The following FOXP2 variants were observed in gnomAD, a reference collection of about 807,000 sequenced individuals.
FOXP2 encodes the protein forkhead box P2.
A neutral mutation model predicts 115.8 loss-of-function variants in FOXP2; 12 were observed. The ratio of observed to expected loss-of-function variants is 0.10; its 90% CI spans 0.07 to 0.17. The LOEUF (loss-of-function observed/expected upper bound fraction) is 0.17. Ranked by LOEUF, FOXP2 falls within the 10% of genes least tolerant of loss-of-function variation. The pLI, the probability that FOXP2 is intolerant of heterozygous loss-of-function variation, is 1.00. For missense variants in FOXP2, 629 were observed against 843.5 expected, an observed-to-expected ratio of 0.75 and a Z score of 3.15; for synonymous variants, 328 against 297.7, an observed-to-expected ratio of 1.10 and a Z score of -1.05.
chr7:114,480,190 G>T (rs1267615428), intron 2 of FOXP2, among the ~76,000 whole-genome samples: 2 of 151,290 alleles, frequency 1.3e-5, no homozygotes, highest in Non-Finnish European at 3.0e-5. Flanking sequence ...TTTTATCATT[G>T]CCTGCCTCAA....
chr7:114,562,075 C>A lies in FOXP2; in HGVS notation c.258+27369C>A, dbSNP rs558807757. 5.3e-5 allele frequency among the ~76,000 whole-genome samples: 8 copies of A among 152,306 alleles called. No homozygotes were observed. The East Asian group carries it at 1.4e-3, about 26-fold the overall frequency. On this transcript the variant is annotated intron_variant, in intron 3 of 16. Coordinates refer to ENST00000350908, the MANE Select transcript of FOXP2 (RefSeq NM_014491.4). ...CACATATAGCCCACCACCACCTCCA[C>A]CCACCTGGACTTCTTCCTGATCATG... is the stretch of plus-strand genomic sequence containing the variant.
chr7:114,363,795 C>G (rs1392770607), intron 2 of FOXP2, among the ~76,000 whole-genome samples: 3 of 151,788 alleles, frequency 2.0e-5, no homozygotes, highest in Non-Finnish European at 4.4e-5. Flanking sequence ...ATATCCCTTC[C>G]TTTGCTGCTG....
chr7:114,278,698 G>C (rs1796254049), intron 1 of FOXP2, among the ~76,000 whole-genome samples: 1 of 152,154 alleles, frequency 6.6e-6, no homozygotes, highest in Admixed American at 6.5e-5. Context: ...ATAAATCTGT[G>C]AAGTAAGCAA....
chr7:114,260,741 C>T (rs1795727674), intron 1 of FOXP2, among the ~76,000 whole-genome samples: 1 of 151,944 alleles, frequency 6.6e-6, no homozygotes, highest in Admixed American at 6.6e-5. Flanking sequence ...TTTATTCTTT[C>T]CAATTTAAAA....
chr7:114,524,826 G>T (rs570631441), intron 2 of FOXP2, among the ~76,000 whole-genome samples: 2 of 152,116 alleles, frequency 1.3e-5, no homozygotes, highest in Non-Finnish European at 2.9e-5. Flanking sequence ...CATACTAAAA[G>T]ATTCTTTTGT....
chr7:114,345,257 G>A (rs1791319790), intron 2 of FOXP2, among the ~76,000 whole-genome samples: 1 of 151,712 alleles, frequency 6.6e-6, no homozygotes, highest in Admixed American at 6.6e-5. Flanking sequence ...TTTTAAAATT[G>A]TGTAGACTGG....
intron 2 of FOXP2, among the ~76,000 whole-genome samples, chr7:114,428,675 C>A (rs1019702467): frequency 6.6e-6 from 1 of 151,254 alleles, no homozygotes; most frequent in Admixed American, 6.6e-5. Flanking sequence ...TAGTTAGGTA[C>A]CTAAGGTTAC....
Position 114,644,789 on chromosome 7 carries a change from A to T in FOXP2, c.1094A>T (p.Lys365Met), listed in dbSNP as rs1476893897. 6.2e-7 allele frequency: 1 copy of T among 1,610,246 alleles called. No individual in the cohort carries two copies. Among genetic ancestry groups the T allele is most frequent in the Non-Finnish European group, 8.5e-7 (1 of 1,177,260 alleles). ...SICEDFGQFL[K>M]HLNNEHALDD... is the part of the protein sequence containing the mutation. ...TGTGAAGATTTTGGACAGTTTTTAA[A>T]GTAGGTTTTTTACTTTTTTTTGGTG... The change falls in exon 8 of 17, where the codon AAG becomes ATG. Residue 365 changes from lysine (K) to methionine (M), a missense_variant and splice_region_variant. Lys to Met is a moderately conservative substitution (Grantham distance 95). Around this residue, in one of 9 missense-constraint regions of FOXP2, gnomAD observed 24 missense variants for 76.3 expected, o/e 0.31. Transcript: ENST00000350908.
intron 1 of FOXP2, among the ~76,000 whole-genome samples, chr7:114,168,999 G>A (rs1793060580): frequency 1.3e-5 from 2 of 152,200 alleles, no homozygotes; most frequent in Admixed American, 1.3e-4. Context: ...CAAGAATTGG[G>A]GTTTGGGAAC....
chr7:114,462,419 T>C (rs1226572937), intron 2 of FOXP2, among the ~76,000 whole-genome samples: 3 of 133,362 alleles, frequency 2.2e-5, no homozygotes, highest in Non-Finnish European at 4.7e-5. Context: ...TCGCCCAGGC[T>C]GAAGTGCATT....
intron 2 of FOXP2, among the ~76,000 whole-genome samples, chr7:114,322,560 C>T (rs1797451697): frequency 6.6e-6 from 1 of 152,016 alleles, no homozygotes; most frequent in African/African-American, 2.4e-5. Flanking sequence ...CATATAGTTC[C>T]ATTAAATCTT....
chr7:114,578,919 G>A (rs1368120231), intron 3 of FOXP2, among the ~76,000 whole-genome samples: 1 of 152,054 alleles, frequency 6.6e-6, no homozygotes, highest in Non-Finnish European at 1.5e-5. Flanking sequence ...CTTCAGCTAG[G>A]AGAAAAAGGA....
intron 2 of FOXP2, among the ~76,000 whole-genome samples, chr7:114,442,659 G>C (rs537082973): frequency 9.9e-5 from 15 of 152,174 alleles, no homozygotes; most frequent in African/African-American, 1.7e-4. Flanking sequence ...TCACCGTGTT[G>C]CTGAGGTTGG....
chr7:114,492,221 G>T (rs955162543), intron 2 of FOXP2, among the ~76,000 whole-genome samples: 2 of 152,196 alleles, frequency 1.3e-5, no homozygotes, highest in South Asian at 2.1e-4. Flanking sequence ...AGTATTCTCT[G>T]GTGGCAGTTT....
At chr7:114,481,762 CTCTATCTATCTATCTA>C (rs3028214) in intron 2 of FOXP2, among the ~76,000 whole-genome samples, 46 of 145,390 alleles carry the variant, frequency 3.2e-4, no homozygotes, top group African/African-American at 6.6e-4. Context: ...CATATGGAAA[CTCTATCTATCTATCTA>C]TCTATCTATC....
intron 2 of FOXP2, among the ~76,000 whole-genome samples, chr7:114,362,766 T>C (rs1791784479): frequency 6.6e-6 from 1 of 151,870 alleles, no homozygotes. Context: ...ATTCAGCAAA[T>C]GCTAAAGATA....
chr7:114,448,951 A>T (rs1195272432), intron 2 of FOXP2, among the ~76,000 whole-genome samples: 7 of 152,104 alleles, frequency 4.6e-5, no homozygotes, highest in Admixed American at 4.6e-4. Flanking sequence ...AACTACAGGG[A>T]AAATATTACA....
chr7:114,655,803 G>T (rs923087443), intron 10 of FOXP2, among the ~76,000 whole-genome samples: 8 of 152,078 alleles, frequency 5.3e-5, no homozygotes, highest in Admixed American at 6.6e-5. Flanking sequence ...ATGAACACAA[G>T]GTGCAACCGC....
At chr7:114,224,299 A>G (rs79647138) in intron 1 of FOXP2, among the ~76,000 whole-genome samples, 1 of 151,996 alleles carries the variant, frequency 6.6e-6, no homozygotes, top group African/African-American at 2.4e-5. Flanking sequence ...GTCAGTTTGG[A>G]TGAAAGCTTT....
Sources: gnomAD v4.1 joint callset for allele counts (sites outside exome capture counted in the v4.1 genomes callset) on GRCh38, gnomAD v4.1.1 for gene constraint, gnomAD v4.1.1 regional missense constraint, MANE v1.5 for transcripts, NCBI Gene and HGNC (gene_info 2026-07-23, HGNC 2026-07-21) for gene names.